The following ACTL8 variants were observed in gnomAD, a reference collection of about 807,000 sequenced individuals.
The protein encoded by ACTL8 is actin-like protein 8.
A neutral mutation model predicts 9.3 loss-of-function variants in ACTL8; 3 were observed. The ratio of observed to expected loss-of-function variants is 0.32; its 90% CI spans 0.15 to 0.83. The LOEUF is 0.83. Among genes scored for constraint, ACTL8 ranks in the 40% least tolerant of loss-of-function variants. ACTL8 has a pLI of 0.57. For synonymous variants in ACTL8, 224 were observed against 205.9 expected (o/e 1.09, Z -0.75); for missense variants, 381 against 492.2 (o/e 0.77, Z 2.14).
At chr1:17,765,334 G>A (rs541731962) in intron 1 of ACTL8, among the ~76,000 whole-genome samples, 2 of 152,176 alleles carry the variant, frequency 1.3e-5, no homozygotes, top group Non-Finnish European at 2.9e-5. Context: ...TGGTGCCTAG[G>A]AGAGTGCCTG....
At chr1:17,757,578 C>T (rs1482571631) in intron 1 of ACTL8, among the ~76,000 whole-genome samples, 4 of 147,002 alleles carry the variant, frequency 2.7e-5, no homozygotes, top group South Asian at 4.4e-4. Context: ...GTGATAATCT[C>T]GGCTGGAGCA....
chr1:17,817,719 G>A (rs1434562357), intron 1 of ACTL8, among the ~76,000 whole-genome samples: 2 of 128,788 alleles, frequency 1.6e-5, no homozygotes, highest in Admixed American at 8.1e-5. Context: ...TCTTTTTTTC[G>A]AGATGGAGTC....
At chr1:17,809,633 A>G (rs2066381043) in intron 1 of ACTL8, among the ~76,000 whole-genome samples, 1 of 152,030 alleles carries the variant, frequency 6.6e-6, no homozygotes, top group African/African-American at 2.4e-5. Context: ...TAGGAACATG[A>G]ACCCTGTTGT....
chr1:17,819,940 T>TTGAGGCTGAAG (rs2053638434), intron 1 of ACTL8, among the ~76,000 whole-genome samples: 1 of 151,968 alleles, frequency 6.6e-6, no homozygotes, highest in African/African-American at 2.4e-5. Context: ...GCCCAGGAGA[T>TTGAGGCTGAAG]TGAGGCTGAA....
chr1:17,795,397 T>C (rs2066269631), intron 1 of ACTL8, among the ~76,000 whole-genome samples: 1 of 152,228 alleles, frequency 6.6e-6, no homozygotes, highest in African/African-American at 2.4e-5. Context: ...TTTCCTCCAC[T>C]ATAAACAGTC....
chr1:17,755,800 C>T (rs1008715805), intron 1 of ACTL8, among the ~76,000 whole-genome samples: 1 of 151,412 alleles, frequency 6.6e-6, no homozygotes, highest in Non-Finnish European at 1.5e-5. Context: ...GGGGCCCAAG[C>T]TTAGCCCCTT....
intron 1 of ACTL8, among the ~76,000 whole-genome samples, chr1:17,802,305 C>G (rs527850653): frequency 1.3e-5 from 2 of 152,272 alleles, no homozygotes; most frequent in South Asian, 2.1e-4. Context: ...TGAAGTTGAG[C>G]CGGGGCTGCT....
intron 1 of ACTL8, among the ~76,000 whole-genome samples, chr1:17,776,601 C>A (rs1306090677): frequency 2.0e-5 from 3 of 152,152 alleles, no homozygotes. Context: ...CTTCTTCCTG[C>A]CATATGTTCC....
intron 1 of ACTL8, among the ~76,000 whole-genome samples, chr1:17,799,583 T>C (rs553422674): frequency 1.3e-5 from 2 of 152,352 alleles, no homozygotes; most frequent in African/African-American, 4.8e-5. Context: ...CAGAAATCTA[T>C]TTCTTTGTTG....
At chr1:17,790,022 C>T (rs999670298) in intron 1 of ACTL8, among the ~76,000 whole-genome samples, 3 of 152,160 alleles carry the variant, frequency 2.0e-5, no homozygotes, top group African/African-American at 7.2e-5. Flanking sequence ...TGTGAGCAAG[C>T]GTGGTGTGTG....
At position 17,781,792 on chromosome 1, in the gene ACTL8, C is replaced by T. The variant is rs186681298; in HGVS notation, c.-25+26288C>T. On this transcript the variant is annotated intron_variant, in intron 1 of 2. Coordinates refer to ENST00000375406, the MANE Select transcript of ACTL8 (RefSeq NM_030812.3). ...GTAAAATCCCATGCATACATTTCCCCTGGAAAGACACACAGCTCTCTTTGA... is the reference window on the plus strand; with the variant it reads ...GTAAAATCCCATGCATACATTTCCCTTGGAAAGACACACAGCTCTCTTTGA... Among the ~76,000 whole-genome samples, 3 of 152,214 alleles carry T rather than the reference C, an allele frequency of 2.0e-5. No homozygotes were observed. The East Asian group carries it at 5.8e-4, about 29-fold the overall frequency.
rs371845115 is a variant in ACTL8 at position 17,823,119 on chromosome 1, G to A, written c.111G>A (p.Pro37=). The change falls in exon 2 of 3, where the codon CCG becomes CCA. Residue 37 remains proline, a synonymous_variant. Transcript: ENST00000375406. The surrounding 1 kb of genome is among the most constrained non-coding windows in gnomAD (Gnocchi z 5.3). ...TCCCGAACATCGTGAACTACCTACC[G>A]TGCAAGGAGAACCCTGGCCCCAGCT... ...MVFPNIVNYL[P]CKENPGPSYA... is the part of the protein sequence containing the mutation. The A allele has an allele frequency of 2.1e-5, 34 of 1,614,092 alleles. No homozygotes were observed. The East Asian group carries it at 4.0e-4, about 19-fold the overall frequency.
chr1:17,802,777 G>GT (rs1345365250), intron 1 of ACTL8, among the ~76,000 whole-genome samples: 1 of 152,158 alleles, frequency 6.6e-6, no homozygotes, highest in Non-Finnish European at 1.5e-5. Context: ...GAGGTCAGGA[G>GT]TGTGAGACCA....
chr1:17,760,724 A>AG (rs1214709406), intron 1 of ACTL8, among the ~76,000 whole-genome samples: 1 of 75,752 alleles, frequency 1.3e-5, no homozygotes, highest in African/African-American at 4.0e-5. Flanking sequence ...CATCCCTCAG[A>AG]GGAGTGGGTG....
chr1:17,760,006 G>C (rs1339388600), intron 1 of ACTL8, among the ~76,000 whole-genome samples: 2 of 152,176 alleles, frequency 1.3e-5, no homozygotes, highest in Non-Finnish European at 2.9e-5. Context: ...ATAGGATGCA[G>C]AGTGATGCCC....
At chr1:17,781,174 C>T (rs2066152114) in intron 1 of ACTL8, among the ~76,000 whole-genome samples, 1 of 151,776 alleles carries the variant, frequency 6.6e-6, no homozygotes, top group Non-Finnish European at 1.5e-5. Flanking sequence ...CCTTACATGG[C>T]CTTCCTCTCT....
intron 1 of ACTL8, among the ~76,000 whole-genome samples, chr1:17,789,106 C>G (rs2066219682): frequency 6.6e-6 from 1 of 152,196 alleles, no homozygotes; most frequent in South Asian, 2.1e-4. Context: ...ATTAAGAAGG[C>G]AGTGCATGTT....
At chr1:17,762,514 G>A (rs951348202) in intron 1 of ACTL8, among the ~76,000 whole-genome samples, 19 of 152,144 alleles carry the variant, frequency 1.2e-4, no homozygotes, top group Non-Finnish European at 2.2e-4. Flanking sequence ...CAGTCTTCCT[G>A]AGGCTCTGGC....
chr1:17,789,405 T>C (rs1301795819), intron 1 of ACTL8, among the ~76,000 whole-genome samples: 1 of 152,202 alleles, frequency 6.6e-6, no homozygotes, highest in African/African-American at 2.4e-5. Context: ...CATGTTATTC[T>C]AGCCCCCTTT....
Sources: gnomAD v4.1 joint callset for allele counts (sites outside exome capture counted in the v4.1 genomes callset) on GRCh38, gnomAD v4.1.1 for gene constraint, Gnocchi (gnomAD v3.1) non-coding constraint, MANE v1.5 for transcripts, NCBI Gene and HGNC (gene_info 2026-07-23, HGNC 2026-07-21) for gene names.